ERI3: variants seen among roughly 807,000 people sequenced by gnomAD.
ERI3 encodes the protein ERI1 exoribonuclease family member 3.
Under a neutral mutation model 44.4 loss-of-function variants are expected in ERI3, and 18 were observed. That is an observed-to-expected ratio of 0.41 (90% CI 0.28 to 0.60). The LOEUF is 0.60. Ranked by LOEUF, ERI3 falls within the 20% of genes least tolerant of loss-of-function variation. ERI3 has a pLI of 0.36. For missense variants in ERI3, 294 were observed against 435.5 expected (o/e 0.68, Z 2.89); for synonymous variants, 183 against 164.8 (o/e 1.11, Z -0.84).
At chr1:44,300,657 C>A (rs1051621030) in intron 6 of ERI3, among the ~76,000 whole-genome samples, 2 of 152,196 alleles carry the variant, frequency 1.3e-5, no homozygotes, top group Non-Finnish European at 2.9e-5. Flanking sequence ...CTCAGGCCTG[C>A]ATCTAGGAAA....
rs1162254849 is a variant in ERI3 at position 44,235,610 on chromosome 1, A to G, written c.931+12329T>C. Among the ~76,000 whole-genome samples, 1 of 152,144 alleles carries G rather than the reference A, an allele frequency of 6.6e-6. No homozygotes were observed. The highest frequency in any genetic ancestry group is 1.5e-5 in the Non-Finnish European group (1 of 68,020). The stretch of plus-strand genomic sequence containing the variant: ...CACGCAAACCTACTCCAGCCCTGAC[A>G]TTTGCCACCCAAAGCCTTGACATGC... On this transcript the variant is annotated intron_variant, in intron 8 of 8. Transcript: ENST00000372257. This position sits in a 1 kb window ranked among gnomAD's most constrained non-coding sequence, Gnocchi z 4.6.
chr1:44,263,099 T>A (rs1379187106), intron 7 of ERI3, among the ~76,000 whole-genome samples: 1 of 152,156 alleles, frequency 6.6e-6, no homozygotes, highest in East Asian at 1.9e-4. Context: ...TTGGGATCCC[T>A]TTCATTAAAA....
At chr1:44,300,863 C>T (rs1645709651) in intron 6 of ERI3, among the ~76,000 whole-genome samples, 1 of 152,168 alleles carries the variant, frequency 6.6e-6, no homozygotes, top group Non-Finnish European at 1.5e-5. Flanking sequence ...CGAGGCTACC[C>T]CACCACCACT....
At chr1:44,299,412 C>T (rs549053931) in intron 6 of ERI3, among the ~76,000 whole-genome samples, 2 of 152,222 alleles carry the variant, frequency 1.3e-5, no homozygotes, top group South Asian at 2.1e-4. Flanking sequence ...TGGTCTCAAA[C>T]TCCTGGCCTC....
intron 6 of ERI3, among the ~76,000 whole-genome samples, chr1:44,295,826 C>T (rs1255464382): frequency 1.3e-5 from 2 of 152,200 alleles, no homozygotes; most frequent in African/African-American, 4.8e-5. Context: ...CTTCCAAACC[C>T]TGTGTGTGGG....
chr1:44,263,117 A>C (rs1045441924), intron 7 of ERI3, among the ~76,000 whole-genome samples: 5 of 152,180 alleles, frequency 3.3e-5, no homozygotes, highest in African/African-American at 1.2e-4. Flanking sequence ...AAAAATCCAG[A>C]AGTTCCATTA....
chr1:44,258,142 GT>G (rs1392733890), intron 7 of ERI3, among the ~76,000 whole-genome samples: 1 of 152,186 alleles, frequency 6.6e-6, no homozygotes, highest in Non-Finnish European at 1.5e-5. Flanking sequence ...CATGTAACTA[GT>G]CCTCAGTAAG....
intron 3 of ERI3, among the ~76,000 whole-genome samples, chr1:44,330,485 G>A (rs1382197393): frequency 6.6e-6 from 1 of 152,166 alleles, no homozygotes. Flanking sequence ...CCTGATGTTT[G>A]TCTCTCCCTC....
At chr1:44,278,672 C>T (rs1351454400) in intron 7 of ERI3, among the ~76,000 whole-genome samples, 1 of 152,198 alleles carries the variant, frequency 6.6e-6, no homozygotes, top group Non-Finnish European at 1.5e-5. Context: ...TCTCAGCTCA[C>T]TGCAACCTCC....
At chr1:44,314,384 G>A (rs1185407483) in intron 4 of ERI3, among the ~76,000 whole-genome samples, 1 of 152,174 alleles carries the variant, frequency 6.6e-6, no homozygotes, top group African/African-American at 2.4e-5. Context: ...TTTTAAGGAA[G>A]TGTAAGGACA....
intron 3 of ERI3, chr1:44,322,801 A>C: frequency 6.5e-7 from 1 of 1,550,260 alleles, no homozygotes; most frequent in Non-Finnish European, 8.7e-7. Context: ...CAGTAGTGGG[A>C]GAGGTGCCCC....
chr1:44,259,100 G>A (rs543539307), intron 7 of ERI3, among the ~76,000 whole-genome samples: 1 of 152,276 alleles, frequency 6.6e-6, no homozygotes, highest in Admixed American at 6.5e-5. Context: ...TAGCAACAGA[G>A]CACAACACTG....
chr1:44,318,626 C>A (rs1572267413), intron 4 of ERI3, among the ~76,000 whole-genome samples: 1 of 152,372 alleles, frequency 6.6e-6, no homozygotes, highest in East Asian at 1.9e-4. Flanking sequence ...ACCTCGAGAC[C>A]TCCTGTCTGG....
At chr1:44,347,405 A>T (rs1646806284) in intron 2 of ERI3, among the ~76,000 whole-genome samples, 2 of 152,318 alleles carry the variant, frequency 1.3e-5, no homozygotes, top group Admixed American at 6.5e-5. Flanking sequence ...TACAGAGTGG[A>T]AACTGGCAGG....
chr1:44,274,088 A>G (rs1218700128), intron 7 of ERI3, among the ~76,000 whole-genome samples: 1 of 152,196 alleles, frequency 6.6e-6, no homozygotes, highest in East Asian at 1.9e-4. Context: ...CTTTGATTTA[A>G]GAGTTCCTCT....
intron 6 of ERI3, among the ~76,000 whole-genome samples, chr1:44,297,071 G>C (rs948853524): frequency 6.6e-6 from 1 of 152,100 alleles, no homozygotes; most frequent in Non-Finnish European, 1.5e-5. Context: ...AGGCTGCCTC[G>C]GGCTGCCTGC....
chr1:44,290,836 T>C (rs1645491648), intron 6 of ERI3, among the ~76,000 whole-genome samples: 1 of 152,148 alleles, frequency 6.6e-6, no homozygotes, highest in Non-Finnish European at 1.5e-5. Flanking sequence ...CAGAGGTGCC[T>C]ATCTCCTCCC....
intron 3 of ERI3, among the ~76,000 whole-genome samples, chr1:44,320,164 T>C (rs537259925): frequency 3.3e-5 from 5 of 152,344 alleles, no homozygotes; most frequent in South Asian, 2.1e-4. Context: ...GACCAATGCA[T>C]AGATTTCCTT....
intron 5 of ERI3, among the ~76,000 whole-genome samples, chr1:44,309,125 A>G (rs1645901299): frequency 6.6e-6 from 1 of 152,220 alleles, no homozygotes; most frequent in African/African-American, 2.4e-5. Context: ...CTTTCCCTTC[A>G]TCCCTTTGAT....
Sources: gnomAD v4.1 joint callset for allele counts (sites outside exome capture counted in the v4.1 genomes callset) on GRCh38, gnomAD v4.1.1 for gene constraint, Gnocchi (gnomAD v3.1) non-coding constraint, MANE v1.5 for transcripts, NCBI Gene and HGNC (gene_info 2026-07-23, HGNC 2026-07-21) for gene names.